NTSR1: variants seen among roughly 807,000 people sequenced by gnomAD.
NTSR1 encodes neurotensin receptor 1.
In NTSR1, 29 loss-of-function variants were observed where a neutral mutation model predicts 31.2. That is an observed-to-expected ratio of 0.93 (90% CI 0.69 to 1.27). The LOEUF (loss-of-function observed/expected upper bound fraction) is 1.27, where lower values mean the gene tolerates loss of function less well. Among genes scored for constraint, NTSR1 ranks in the 50% most tolerant of loss-of-function variants. NTSR1 has a pLI of 0.00. For synonymous variants in NTSR1, 282 were observed against 269.9 expected (o/e 1.04, Z -0.44); for missense variants, 697 against 595.4 (o/e 1.17, Z -1.78).
chr20:62,724,833 T>G (rs943416719), intron 1 of NTSR1, among the ~76,000 whole-genome samples: 14 of 152,202 alleles, frequency 9.2e-5, no homozygotes, highest in Non-Finnish European at 1.8e-4. Context: ...TGGCATTCCT[T>G]GGCTTGTGGC....
chr20:62,710,251 A>G (rs1364667724), intron 1 of NTSR1, among the ~76,000 whole-genome samples: 1 of 152,244 alleles, frequency 6.6e-6, no homozygotes, highest in Non-Finnish European at 1.5e-5. Context: ...CACTTTCATC[A>G]GCTTCTCAAA....
chr20:62,725,119 C>T (rs1988883963), intron 1 of NTSR1, among the ~76,000 whole-genome samples: 2 of 152,374 alleles, frequency 1.3e-5, no homozygotes, highest in Non-Finnish European at 1.5e-5. Context: ...ACAAGTGCTC[C>T]CCAAGGCACA....
chr20:62,713,370 C>T (rs1427942508), intron 1 of NTSR1, among the ~76,000 whole-genome samples: 1 of 152,218 alleles, frequency 6.6e-6, no homozygotes, highest in African/African-American at 2.4e-5. Context: ...TCCTACAACC[C>T]CTGCTCCAGA....
Position 62,733,858 on chromosome 20 carries a change from C to A in NTSR1, c.715-20827C>A, listed in dbSNP as rs150857593. ...CAGCTGAGAGAGGGAAGGCTCTGTG[C>A]TGGGGAAGAGGCCTCCAGCAGGGAG... On this transcript the variant is annotated intron_variant, in intron 1 of 3. Transcript: ENST00000370501. This position sits in a 1 kb window ranked among gnomAD's most constrained non-coding sequence, Gnocchi z 5.2. 5.3e-5 allele frequency among the ~76,000 whole-genome samples: 8 copies of A among 152,246 alleles called. No homozygotes were observed. In the East Asian group the frequency reaches 1.4e-3, roughly 26 times the overall value.
At chr20:62,757,574 T>A (rs1989532236) in intron 2 of NTSR1, among the ~76,000 whole-genome samples, 1 of 152,262 alleles carries the variant, frequency 6.6e-6, no homozygotes, top group African/African-American at 2.4e-5. Flanking sequence ...TTTCTATTTC[T>A]GCCAAAAGCA....
Position 62,760,265 on chromosome 20 carries a change from T to C in NTSR1, c.1255T>C (p.Ter419GlnextTer42). Residue 419 changes from the stop codon to glutamine (Q), a stop_lost, in exon 4 of 4, where the codon TAG becomes CAG. Coordinates refer to ENST00000370501, the MANE Select transcript of NTSR1 (RefSeq NM_002531.3). Reference sequence around the variant, plus strand: ...CAATGCCACCCGCGAGACGCTGTACTAGGCTGTGCGCCCCGGAACGTGTCC... The same window carrying C: ...CAATGCCACCCGCGAGACGCTGTACCAGGCTGTGCGCCCCGGAACGTGTCC... Reference protein sequence around the residue: ...SSNATRETLY* With the variant: ...SSNATRETLYQ 6.2e-7 allele frequency: 1 copy of C among 1,605,100 alleles called. No homozygotes were observed. The highest frequency in any genetic ancestry group is 8.5e-7 in the Non-Finnish European group (1 of 1,174,666).
At position 62,721,814 on chromosome 20, in the gene NTSR1, C is replaced by T. The variant is rs181061834; in HGVS notation, c.714+11893C>T. Among the ~76,000 whole-genome samples, 203 of 152,294 alleles carry T rather than the reference C, an allele frequency of 1.3e-3. 3 individuals are homozygous for T. The highest frequency in any genetic ancestry group is 4.7e-3 in the African/African-American group (195 of 41,554). On this transcript the variant is annotated intron_variant, in intron 1 of 3. Coordinates refer to ENST00000370501, the MANE Select transcript of NTSR1 (RefSeq NM_002531.3). ...CCTCCAGCCAGGAAGCCCGAGTATTCCATGTTATGTCCTCTGCTGACTTCT... is the reference window on the plus strand; with the variant it reads ...CCTCCAGCCAGGAAGCCCGAGTATTTCATGTTATGTCCTCTGCTGACTTCT...
chr20:62,709,601 C>A lies in NTSR1; in HGVS notation c.394C>A (p.His132Asn). 1.2e-6 allele frequency: 2 copies of A among 1,611,668 alleles called. No individual in the cohort carries two copies. Among genetic ancestry groups the A allele is most frequent in the Non-Finnish European group, 1.7e-6 (2 of 1,179,896 alleles). The change falls in exon 1 of 4, where the codon CAC (histidine) becomes AAC (asparagine). Residue 132 changes from histidine to asparagine, a missense_variant. Transcript: ENST00000370501. ...VELYNFIWVH[H>N]PWAFGDAGCR... ...GCTGTACAACTTCATCTGGGTGCACCACCCCTGGGCCTTCGGCGACGCCGG... is the reference window on the plus strand; with the variant it reads ...GCTGTACAACTTCATCTGGGTGCACAACCCCTGGGCCTTCGGCGACGCCGG...
chr20:62,734,085 C>CCGACCT (rs1041213741), intron 1 of NTSR1, among the ~76,000 whole-genome samples: 18 of 152,122 alleles, frequency 1.2e-4, no homozygotes, highest in Non-Finnish European at 2.2e-4. Context: ...GCAGGTTTGC[C>CCGACCT]CGACCTCGAG....
At chr20:62,750,197 G>A (rs1385997560) in intron 1 of NTSR1, among the ~76,000 whole-genome samples, 3 of 152,174 alleles carry the variant, frequency 2.0e-5, no homozygotes, top group Admixed American at 2.0e-4. Context: ...TAAGCCAGGC[G>A]CAGAAAGACA....
chr20:62,751,225 A>G (rs1989389075), intron 1 of NTSR1, among the ~76,000 whole-genome samples: 1 of 152,190 alleles, frequency 6.6e-6, no homozygotes, highest in Non-Finnish European at 1.5e-5. Flanking sequence ...AAGCTGGGGG[A>G]AAAGGTTAAA....
In NTSR1 at chr20:62,743,930, C is replaced by T. The variant is rs1392773665; in HGVS notation, c.715-10755C>T. Among the ~76,000 whole-genome samples, 2 of 152,180 alleles carry T rather than the reference C, an allele frequency of 1.3e-5. No homozygotes were observed. ...GGGCAGGCATACCGTGTGCACCCCTCCCGCTCCCCACCTGGTCTCCACGGC... is the reference window on the plus strand; with the variant it reads ...GGGCAGGCATACCGTGTGCACCCCTTCCGCTCCCCACCTGGTCTCCACGGC... On this transcript the variant is annotated intron_variant, in intron 1 of 3. Transcript: ENST00000370501. This position sits in a 1 kb window ranked among gnomAD's most constrained non-coding sequence, Gnocchi z 7.5.
intron 1 of NTSR1, 133 bp downstream of exon 1, chr20:62,710,054 T>A: frequency 1.3e-6 from 1 of 740,834 alleles, no homozygotes. Context: ...GGGAAGGCGG[T>A]TGGGGCAGCT....
chr20:62,727,273 G>A (rs1054426355), intron 1 of NTSR1, among the ~76,000 whole-genome samples: 50 of 152,220 alleles, frequency 3.3e-4, no homozygotes, highest in African/African-American at 1.1e-3. Context: ...CGCTCTCTCC[G>A]GCTCACAGGG....
intron 1 of NTSR1, among the ~76,000 whole-genome samples, chr20:62,738,486 G>A (rs969090003): frequency 2.0e-5 from 3 of 152,272 alleles, no homozygotes; most frequent in African/African-American, 7.2e-5. Flanking sequence ...AGGGTGGAAG[G>A]ACAGGCTGAT....
chr20:62,709,937 C>G lies in NTSR1; in HGVS notation c.714+16C>G. The G allele has an allele frequency of 2.6e-6, 4 of 1,553,958 alleles. No homozygotes were observed. Among genetic ancestry groups the G allele is most frequent in the Non-Finnish European group, 3.5e-6 (4 of 1,143,930 alleles). On this transcript the variant is annotated intron_variant, in intron 1 of 3. Coordinates refer to ENST00000370501, the MANE Select transcript of NTSR1 (RefSeq NM_002531.3). ...CGTCATACAGGTGAGCCTCAGTAAC[C>G]AGCCCCGGGGCTCCCCTCTCCTTCA...
chr20:62,750,608 G>A (rs939941196), intron 1 of NTSR1, among the ~76,000 whole-genome samples: 6 of 150,638 alleles, frequency 4.0e-5, no homozygotes, highest in African/African-American at 7.3e-5. Flanking sequence ...GGAGAATGGC[G>A]TGAACCCGGG....
intron 1 of NTSR1, among the ~76,000 whole-genome samples, chr20:62,729,426 G>A (rs1988966069): frequency 1.3e-5 from 2 of 152,212 alleles, no homozygotes; most frequent in Admixed American, 6.5e-5. Flanking sequence ...GACAGGGATT[G>A]TGGTGCAGGT....
At position 62,709,012 on chromosome 20, in the gene NTSR1, G is replaced by GCGGAGCCCGGAGCC; in HGVS notation, c.-185_-172dup. On this transcript the variant is annotated 5_prime_UTR_variant, in exon 1 of 4. Coordinates refer to ENST00000370501, the MANE Select transcript of NTSR1 (RefSeq NM_002531.3). ...CCGGAAGCTGGGAGTCCGGAGGAGAGCGGAGCCCGGAGCCCGGAGCCCGGG... is the reference window on the plus strand; with the variant it reads ...CCGGAAGCTGGGAGTCCGGAGGAGAGCGGAGCCCGGAGCCCGGAGCCCGGAGCCCGGAGCCCGGG... 2.2e-6 allele frequency: 1 copy of GCGGAGCCCGGAGCC among 462,176 alleles called. No individual in the cohort carries two copies. Among genetic ancestry groups the GCGGAGCCCGGAGCC allele is most frequent in the African/African-American group, 2.1e-5 (1 of 47,078 alleles). The allele number at this position is 462,176 out of a possible 1,614,324, so 28.6% of individuals were successfully genotyped here. A position where few individuals can be genotyped will look rare whatever the true frequency, so the allele number is the denominator to read the frequency against.
Sources: allele counts gnomAD v4.1 joint callset (sites outside exome capture counted in the v4.1 genomes callset), GRCh38; gene constraint gnomAD v4.1.1; non-coding constraint Gnocchi (gnomAD v3.1); transcripts MANE v1.5; gene names NCBI Gene and HGNC (gene_info 2026-07-23, HGNC 2026-07-21).